MYH2: variants seen among roughly 807,000 people sequenced by gnomAD.
The protein encoded by MYH2 is myosin-2.
In MYH2, 139 loss-of-function variants were observed where a neutral mutation model predicts 228.1. The observed-to-expected ratio is 0.61, with a 90% CI of 0.53 to 0.70. The LOEUF is 0.70. MYH2 is among the 30% of genes least tolerant of loss of function. The probability of loss-of-function intolerance (pLI) is 0.00; values close to 1 mark genes in which losing one functional copy is unlikely to be tolerated. For missense variants in MYH2, 1,809 were observed against 2,357.5 expected, an observed-to-expected ratio of 0.77 and a Z score of 4.82; for synonymous variants, 796 against 871.1, an observed-to-expected ratio of 0.91 and a Z score of 1.52.
In MYH2 at chr17:10,533,581, G is replaced by T. The variant is rs201382074; in HGVS notation, c.2232C>A (p.Ser744Arg). The change falls in exon 20 of 40, where the codon AGC (serine) becomes AGA (arginine). Residue 744 changes from serine to arginine, a missense_variant. By Grantham distance (110) the Ser-to-Arg change is moderately radical (BLOSUM62 -1). Around this residue, in one of 9 missense-constraint regions of MYH2, gnomAD observed 276 missense variants for 344.2 expected, o/e 0.80. Coordinates refer to ENST00000245503, the MANE Select transcript of MYH2 (RefSeq NM_017534.6). Reference protein sequence around the residue: ...SAIPEGQFIDSKKASEKLLAS... With the variant: ...SAIPEGQFIDRKKASEKLLAS... ...CAAGGAGCTTCTCAGAGGCCTTCTT[G>T]CTATCAATGAATTGCCCTTCAGGGA... 1 of 1,614,124 alleles carries T rather than the reference G, an allele frequency of 6.2e-7. No homozygotes were observed. Among genetic ancestry groups the T allele is most frequent in the Non-Finnish European group, 8.5e-7 (1 of 1,179,966 alleles).
rs775688221 is a variant in MYH2 at position 10,528,773 on chromosome 17, G to C, written c.3661C>G (p.Gln1221Glu). The part of the protein sequence containing the change: ...EQIDNLQRVK[Q>E]KLEKEKSEMK... Reference sequence around the variant, plus strand: ...TCACTCTTCTCCTTCTCCAGCTTCTGCTTCACTCGCTGCAGGTTGTCAATC... The same window carrying C: ...TCACTCTTCTCCTTCTCCAGCTTCTCCTTCACTCGCTGCAGGTTGTCAATC... The change falls in exon 27 of 40, where the codon CAG (glutamine) becomes GAG (glutamate). Residue 1221 changes from glutamine to glutamate, a missense_variant. By Grantham distance (29) the Gln-to-Glu change is conservative. Coordinates refer to ENST00000245503, the MANE Select transcript of MYH2 (RefSeq NM_017534.6). The C allele has an allele frequency of 1.6e-5, 26 of 1,613,986 alleles. No individual in the cohort carries two copies. The highest frequency in any genetic ancestry group is 2.7e-5 in the African/African-American group (2 of 74,922).
In MYH2 at chr17:10,527,771, C is replaced by T; in HGVS notation, c.3848G>A (p.Arg1283Lys). The T allele has an allele frequency of 6.2e-7, 1 of 1,614,152 alleles. No homozygotes were observed. The highest frequency in any genetic ancestry group is 8.5e-7 in the Non-Finnish European group (1 of 1,180,030). ...ACCAGATTCAGTCTGCAGGCGCCCC[C>T]TCTGCGCAGTCAGGTCATTGATCAG... ...QRLINDLTAQ[R>K]GRLQTESGEF... Residue 1283 changes from arginine (R) to lysine (K), a missense_variant, in exon 28 of 40, where the codon AGG (arginine) becomes AAG (lysine). This residue lies in a region of MYH2 where 636 missense variants were observed against 729.9 expected (regional missense o/e 0.87). Coordinates refer to ENST00000245503, the MANE Select transcript of MYH2 (RefSeq NM_017534.6).
rs1395799664 is a variant in MYH2, at chr17:10,533,352, T to C, written c.2374A>G (p.Thr792Ala). Residue 792 changes from threonine (T) to alanine (A), a missense_variant, in exon 21 of 40, where the codon ACC becomes GCC. Thr to Ala is a moderately conservative substitution (Grantham distance 58). Coordinates refer to ENST00000245503, the MANE Select transcript of MYH2 (RefSeq NM_017534.6). ...MRDDKLAQLI[T>A]RTQARCRGFL... ...CCTCTGCACCTGGCCTGGGTTCGGG[T>C]AATCAGCTGGGCCAGCTTGTCATCT... The C allele has an allele frequency of 1.2e-6, 2 of 1,614,224 alleles. No individual in the cohort carries two copies. The highest frequency in any genetic ancestry group is 2.7e-5 in the African/African-American group (2 of 75,058).
In MYH2 at chr17:10,524,435, A is replaced by G. The variant is rs768604454; in HGVS notation, c.5175+31T>C. ...ATCTATTCTGGGACATATAAAATTT[A>G]CTAAGGAGAGTTCTTTGTGCTGAAT... On this transcript the variant is annotated intron_variant, in intron 35 of 39. Transcript: ENST00000245503. The surrounding 1 kb of genome is among the most constrained non-coding windows in gnomAD (Gnocchi z 4.7). The G allele has an allele frequency of 6.2e-7, 1 of 1,613,814 alleles. No homozygotes were observed. Among genetic ancestry groups the G allele is most frequent in the South Asian group, 1.1e-5 (1 of 91,076 alleles).
Position 10,531,243 on chromosome 17 carries a change from C to T in MYH2, c.2697+390G>A, listed in dbSNP as rs888009599. On this transcript the variant is annotated intron_variant, in intron 22 of 39. Coordinates refer to ENST00000245503, the MANE Select transcript of MYH2 (RefSeq NM_017534.6). ...GCTGTTCCTATTATAATTTAAGACC[C>T]GTGGACATCTAGAAGTTCAAGGAAG... 5.3e-5 allele frequency among the ~76,000 whole-genome samples: 8 copies of T among 152,074 alleles called. No homozygotes were observed. In the East Asian group the frequency reaches 7.7e-4, roughly 15 times the overall value.
At chr17:10,541,694 T>C (rs1399538519) in intron 10 of MYH2, among the ~76,000 whole-genome samples, 1 of 152,218 alleles carries the variant, frequency 6.6e-6, no homozygotes. Context: ...GTTTTGTGGC[T>C]TGGGGGGCAT....
chr17:10,535,019 A>G, intron 19 of MYH2, 54 bp downstream of exon 19: 1 of 1,580,020 alleles, frequency 6.3e-7, no homozygotes, highest in South Asian at 1.1e-5. Context: ...TTTTGCTTGC[A>G]TTAAACTTGT....
chr17:10,525,523 TG>T lies in MYH2; in HGVS notation c.4464del (p.Phe1488LeufsTer3). On this transcript the variant is annotated frameshift_variant, in exon 32 of 40. Coordinates refer to ENST00000245503, the MANE Select transcript of MYH2 (RefSeq NM_017534.6). LOFTEE classifies it high-confidence loss of function. This position sits in a 1 kb window ranked among gnomAD's most constrained non-coding sequence, Gnocchi z 4.2. ...KEARSLGTEL[F>X]KIKNAYEESL... ...GATTCCTCATAGGCATTCTTTATCT[TG>T]AACAGCTCAGTGCCAAGGGAACGGG... 2 of 1,614,210 alleles carry T rather than the reference TG, an allele frequency of 1.2e-6. No homozygotes were observed. Among genetic ancestry groups the T allele is most frequent in the Non-Finnish European group, 1.7e-6 (2 of 1,180,040 alleles).
In MYH2 at chr17:10,530,026, T is replaced by G. The variant is rs1266792779; in HGVS notation, c.2746A>C (p.Lys916Gln). The G allele has an allele frequency of 1.2e-6, 2 of 1,614,100 alleles. No individual in the cohort carries two copies. Among genetic ancestry groups the G allele is most frequent in the Non-Finnish European group, 8.5e-7 (1 of 1,180,040 alleles). Reference sequence around the variant, plus strand: ...TTGGCTTCTAGCTGGATTTTGGTTTTGATTAGCTGGTCACACCTTTCCTCT... The same window carrying G: ...TTGGCTTCTAGCTGGATTTTGGTTTGGATTAGCTGGTCACACCTTTCCTCT... ...DAEERCDQLI[K>Q]TKIQLEAKIK... The change falls in exon 23 of 40, where the codon AAA (lysine) becomes CAA (glutamine). Residue 916 changes from lysine to glutamine, a missense_variant. Transcript: ENST00000245503.
intron 17 of MYH2, among the ~76,000 whole-genome samples, chr17:10,535,799 C>A (rs765332654): frequency 6.6e-6 from 1 of 152,170 alleles, no homozygotes; most frequent in Non-Finnish European, 1.5e-5. Context: ...CCAGCTCTAT[C>A]AATTTTTAGG....
At chr17:10,534,148 T>C (rs1361346887) in intron 19 of MYH2, among the ~76,000 whole-genome samples, 1 of 152,198 alleles carries the variant, frequency 6.6e-6, no homozygotes, top group African/African-American at 2.4e-5. Context: ...TACCCAGTCC[T>C]TCCCCACCTC....
chr17:10,545,213 T>C (rs1227623321), intron 5 of MYH2, 133 bp downstream of exon 5: 1 of 1,547,804 alleles, frequency 6.5e-7, no homozygotes, highest in Non-Finnish European at 8.9e-7. Context: ...TCCTGGACCT[T>C]CTCCTTCATA....
chr17:10,534,719 C>A (rs949480145), intron 19 of MYH2, among the ~76,000 whole-genome samples: 7 of 152,206 alleles, frequency 4.6e-5, no homozygotes, highest in African/African-American at 1.4e-4. Flanking sequence ...GAGTTTGAGA[C>A]TAGCCTGGCC....
At chr17:10,539,820 CTT>C in intron 12 of MYH2, 106 bp downstream of exon 12, 3 of 1,500,132 alleles carry the variant, frequency 2.0e-6, no homozygotes, top group Non-Finnish European at 2.8e-6. Flanking sequence ...TACTTTAAAA[CTT>C]AATTCTTAAA....
rs2073426020 is a variant in MYH2 at position 10,531,756 on chromosome 17, C to T, written c.2574G>A (p.Met858Ile). ...SAETEKEMAT[M>I]KEEFQKIKDE... ...CTTTAATTTTCTGAAATTCTTCCTTCATGGTGGCCATCTCCTTCTCAGTTT... is the reference window on the plus strand; with the variant it reads ...CTTTAATTTTCTGAAATTCTTCCTTTATGGTGGCCATCTCCTTCTCAGTTT... The change falls in exon 22 of 40, where the codon ATG becomes ATA. Residue 858 changes from methionine (M) to isoleucine (I), a missense_variant. Met to Ile is a conservative substitution (Grantham distance 10). Transcript: ENST00000245503. 1.2e-6 allele frequency: 2 copies of T among 1,614,096 alleles called. No homozygotes were observed. The highest frequency in any genetic ancestry group is 1.7e-6 in the Non-Finnish European group (2 of 1,180,042).
rs1282302344 is a variant in MYH2, at chr17:10,545,143, A to G, written c.505+203T>C. 1.1e-4 allele frequency among the ~76,000 whole-genome samples: 17 copies of G among 152,272 alleles called. No homozygotes were observed. The East Asian group carries it at 2.9e-3, about 26-fold the overall frequency. On this transcript the variant is annotated intron_variant, in intron 5 of 39. Coordinates refer to ENST00000245503, the MANE Select transcript of MYH2 (RefSeq NM_017534.6). ...GCCAGCCTCTGTTGAACTTTTCAAA[A>G]TTTAAGAGATCATTAGCAATTATGT... is the stretch of plus-strand genomic sequence containing the variant.
Position 10,526,997 on chromosome 17 carries a change from T to G in MYH2, c.3931A>C (p.Lys1311Gln). 1.2e-6 allele frequency: 2 copies of G among 1,614,212 alleles called. No individual in the cohort carries two copies. The highest frequency in any genetic ancestry group is 1.7e-6 in the Non-Finnish European group (2 of 1,180,042). The change falls in exon 29 of 40, where the codon AAA becomes CAA. Residue 1311 changes from lysine (K) to glutamine (Q), a missense_variant. Around this residue, in one of 9 missense-constraint regions of MYH2, gnomAD observed 636 missense variants for 729.9 expected, o/e 0.87. Transcript: ENST00000245503. ...TCAATCTGTTGAGTAAAGGCTTGTT[T>G]GCCTCTTGATAACTGAGACACCAGA... ...EALVSQLSRGKQAFTQQIEEL... is the reference protein window; with the variant it reads ...EALVSQLSRGQQAFTQQIEEL...
chr17:10,531,794 A>G lies in MYH2; in HGVS notation c.2536T>C (p.Leu846=), dbSNP rs753664961. The G allele has an allele frequency of 6.2e-7, 1 of 1,614,170 alleles. No homozygotes were observed. Among genetic ancestry groups the G allele is most frequent in the East Asian group, 2.2e-5 (1 of 44,884 alleles). Reference sequence around the variant, plus strand: ...TCCTTCTCAGTTTCTGCACTCTTCAACAGAGGCTTGATCTTGAAGAAGAGT... The same window carrying G: ...TCCTTCTCAGTTTCTGCACTCTTCAGCAGAGGCTTGATCTTGAAGAAGAGT... ...MKLFFKIKPL[L]KSAETEKEMA... The change falls in exon 22 of 40, where the codon TTG becomes CTG. Residue 846 remains leucine, a synonymous_variant. Coordinates refer to ENST00000245503, the MANE Select transcript of MYH2 (RefSeq NM_017534.6).
In MYH2 at chr17:10,547,748, C is replaced by G. The variant is rs746010841; in HGVS notation, c.173G>C (p.Gly58Ala). Residue 58 changes from glycine (G) to alanine (A), a missense_variant, in exon 3 of 40, where the codon GGA becomes GCA. By Grantham distance (60) the Gly-to-Ala change is moderately conservative. Coordinates refer to ENST00000245503, the MANE Select transcript of MYH2 (RefSeq NM_017534.6). ...TCCCTCAGTCTTCACCGTCACTTTT[C>G]CTCCTTCTCTGCTCTGGATGGTCCC... ...VKGTIQSREG[G>A]KVTVKTEGGA... 4.3e-6 allele frequency: 7 copies of G among 1,614,256 alleles called. No individual in the cohort carries two copies. The highest frequency in any genetic ancestry group is 5.9e-6 in the Non-Finnish European group (7 of 1,180,048).
Sources: allele counts gnomAD v4.1 joint callset (sites outside exome capture counted in the v4.1 genomes callset), GRCh38; gene constraint gnomAD v4.1.1; regional missense constraint gnomAD v4.1.1; non-coding constraint Gnocchi (gnomAD v3.1); transcripts MANE v1.5; gene names NCBI Gene and HGNC (gene_info 2026-07-23, HGNC 2026-07-21).